The following DCC variants were observed in gnomAD, a reference collection of about 807,000 sequenced individuals.
DCC encodes the protein DCC netrin 1 receptor.
A neutral mutation model predicts 172.5 loss-of-function variants in DCC; 58 were observed. The observed-to-expected ratio is 0.34, with a 90% confidence interval of 0.27 to 0.42. DCC has a LOEUF of 0.42. Ranked by LOEUF, DCC falls within the 10% of genes least tolerant of loss-of-function variation. The pLI is 1.00. For synonymous variants in DCC, 709 were observed against 644.5 expected (o/e 1.10, Z -1.52); for missense variants, 1,740 against 1,791.0 (o/e 0.97, Z 0.51).
rs1361356455 is a variant in DCC, at chr18:52,342,334, G to T, written c.91+1456G>T. Among the ~76,000 whole-genome samples the T allele has an allele frequency of 5.3e-5, 8 of 152,054 alleles. No homozygotes were observed. The South Asian group carries it at 1.2e-3, about 24-fold the overall frequency. ...GCTGTCCTGTGATGAGCGCGTACCC[G>T]CATCCCCGCGCTTAGCCGCTGGTGC... is the stretch of plus-strand genomic sequence containing the variant. On this transcript the variant is annotated intron_variant, in intron 1 of 28. Transcript: ENST00000442544.
intron 7 of DCC, among the ~76,000 whole-genome samples, chr18:53,089,041 A>T (rs1044218961): frequency 6.6e-6 from 1 of 152,178 alleles, no homozygotes; most frequent in Non-Finnish European, 1.5e-5. Flanking sequence ...CTTAGTTATT[A>T]GTTTTATAAA....
rs928160733 is a variant in DCC, at chr18:52,681,865, C to G, written c.92-70189C>G. On this transcript the variant is annotated intron_variant, in intron 1 of 28. Coordinates refer to ENST00000442544, the MANE Select transcript of DCC (RefSeq NM_005215.4). ...GTGTAGCTTCCAACATGAAGATTGACTTTTACAGTTTCTAAATAGAGTTCT... is the reference window on the plus strand; with the variant it reads ...GTGTAGCTTCCAACATGAAGATTGAGTTTTACAGTTTCTAAATAGAGTTCT... 2.0e-5 allele frequency among the ~76,000 whole-genome samples: 3 copies of G among 150,388 alleles called. No homozygotes were observed. In the South Asian group the frequency reaches 6.4e-4, roughly 32 times the overall value.
chr18:52,625,285 G>A (rs1173072742), intron 1 of DCC, among the ~76,000 whole-genome samples: 1 of 152,036 alleles, frequency 6.6e-6, no homozygotes, highest in East Asian at 1.9e-4. Context: ...TTTTTGAATG[G>A]TGTAAAACTT....
At chr18:53,509,606 T>C (rs375090220) in intron 27 of DCC, among the ~76,000 whole-genome samples, 1 of 152,186 alleles carries the variant, frequency 6.6e-6, no homozygotes, top group African/African-American at 2.4e-5. Context: ...GAAGAACTTG[T>C]GGGTTTGGTA....
intron 5 of DCC, among the ~76,000 whole-genome samples, chr18:52,991,721 T>G (rs2041394966): frequency 6.6e-6 from 1 of 152,238 alleles, no homozygotes. Flanking sequence ...TTATTTTATC[T>G]TTATGGTAAC....
chr18:52,673,655 A>G (rs11872367), intron 1 of DCC, among the ~76,000 whole-genome samples: 1 of 152,170 alleles, frequency 6.6e-6, no homozygotes, highest in East Asian at 1.9e-4. Flanking sequence ...AGGGGAGTAA[A>G]TAAGGCCTTT....
intron 11 of DCC, among the ~76,000 whole-genome samples, chr18:53,212,119 T>A (rs112149665): frequency 0.033 from 5,037 of 152,170 alleles, 109 homozygotes; most frequent in Non-Finnish European, 0.05. Flanking sequence ...AGGGGAGGAA[T>A]TCAAGTGCCT....
intron 1 of DCC, among the ~76,000 whole-genome samples, chr18:52,380,820 C>T (rs530027373): frequency 6.6e-6 from 1 of 152,154 alleles, no homozygotes; most frequent in East Asian, 1.9e-4. Context: ...TCTTTCTCAC[C>T]TGGCCATATG....
chr18:53,534,236 G>A lies in DCC; in HGVS notation c.*3583G>A, dbSNP rs1287363667. On this transcript the variant is annotated 3_prime_UTR_variant, in exon 29 of 29. Transcript: ENST00000442544. Reference sequence around the variant, plus strand: ...TGTGTCCCAGAATTCTTATGGTTTCGGAATGTACATTTCTAGTCAATGAAA... The same window carrying A: ...TGTGTCCCAGAATTCTTATGGTTTCAGAATGTACATTTCTAGTCAATGAAA... The A allele has an allele frequency of 1.3e-5, 2 of 152,080 alleles. No homozygotes were observed. Among genetic ancestry groups the A allele is most frequent in the South Asian group, 2.1e-4 (1 of 4,820 alleles). The allele number at this position is 152,080 out of a possible 1,614,324, so 9.4% of individuals were successfully genotyped here.
chr18:52,661,276 GGACATTA>G (rs1014673613), intron 1 of DCC, among the ~76,000 whole-genome samples: 2 of 152,100 alleles, frequency 1.3e-5, no homozygotes, highest in African/African-American at 4.8e-5. Flanking sequence ...AAGGGCAAAG[GGACATTA>G]GACATTAGAC....
intron 5 of DCC, among the ~76,000 whole-genome samples, chr18:52,991,096 C>T (rs557411315): frequency 4.1e-4 from 63 of 152,158 alleles, no homozygotes; most frequent in Non-Finnish European, 8.7e-4. Flanking sequence ...AGCTTACCTA[C>T]ATATGGCTCG....
intron 5 of DCC, among the ~76,000 whole-genome samples, chr18:52,950,945 A>G (rs2040636110): frequency 2.2e-5 from 1 of 45,234 alleles, no homozygotes; most frequent in African/African-American, 9.2e-5. Flanking sequence ...AAAAAAAAAA[A>G]AAAAAAAAAA....
chr18:53,370,592 G>T (rs1326377030), intron 15 of DCC, among the ~76,000 whole-genome samples: 1 of 151,550 alleles, frequency 6.6e-6, no homozygotes. Context: ...ATTTTCACTT[G>T]GTTCCATGTA....
At chr18:53,163,225 T>C (rs148837117) in intron 8 of DCC, among the ~76,000 whole-genome samples, 1 of 152,188 alleles carries the variant, frequency 6.6e-6, no homozygotes, top group Non-Finnish European at 1.5e-5. Context: ...AGAACTGATA[T>C]GGTAGAGGTG....
intron 9 of DCC, among the ~76,000 whole-genome samples, chr18:53,200,773 T>G (rs1215396094): frequency 6.6e-6 from 1 of 152,134 alleles, no homozygotes; most frequent in Non-Finnish European, 1.5e-5. Context: ...GGTAAGGCTG[T>G]GCATGACCTC....
In DCC at chr18:53,336,636, G is replaced by C. The variant is rs111266536; in HGVS notation, c.2165-3077G>C. Among the ~76,000 whole-genome samples, 319 of 152,340 alleles carry C rather than the reference G, an allele frequency of 2.1e-3. 3 individuals are homozygous for C. Among genetic ancestry groups the C allele is most frequent in the African/African-American group, 7.4e-3 (307 of 41,578 alleles). On this transcript the variant is annotated intron_variant, in intron 14 of 28. Transcript: ENST00000442544. The stretch of plus-strand genomic sequence containing the variant: ...GGAGGCCAAGGCAGGTGGACTGCTT[G>C]AGTCCAGGAGTTCAAGACCAGCCTG...
chr18:53,420,785 G>C (rs1910608312), intron 21 of DCC, among the ~76,000 whole-genome samples: 1 of 151,984 alleles, frequency 6.6e-6, no homozygotes, highest in African/African-American at 2.4e-5. Context: ...CACATTTTTG[G>C]GGAAGCAATT....
chr18:53,431,897 G>T (rs547998135), intron 21 of DCC, among the ~76,000 whole-genome samples: 1 of 152,004 alleles, frequency 6.6e-6, no homozygotes, highest in African/African-American at 2.4e-5. Flanking sequence ...TTTATTTGAG[G>T]GAAGAAAACT....
intron 2 of DCC, among the ~76,000 whole-genome samples, chr18:52,811,883 C>T (rs1402539089): frequency 1.3e-5 from 2 of 152,052 alleles, no homozygotes; most frequent in African/African-American, 4.8e-5. Flanking sequence ...GAATGAAATC[C>T]AGCCCAAACA....
Sources: gnomAD v4.1 joint callset for allele counts (sites outside exome capture counted in the v4.1 genomes callset) on GRCh38, gnomAD v4.1.1 for gene constraint, MANE v1.5 for transcripts, NCBI Gene and HGNC (gene_info 2026-07-23, HGNC 2026-07-21) for gene names.